The following IMMT variants were observed in gnomAD, a reference collection of about 807,000 sequenced individuals.
IMMT encodes MICOS complex subunit MIC60.
In IMMT, 40 loss-of-function variants were observed where a neutral mutation model predicts 92.7. That is an observed-to-expected ratio of 0.43 (90% CI 0.34 to 0.56). IMMT has a LOEUF of 0.56. IMMT is among the 20% of genes least tolerant of loss of function. The probability of loss-of-function intolerance (pLI) is 0.03; values close to 1 mark genes in which losing one functional copy is unlikely to be tolerated. For synonymous variants in IMMT, 322 were observed against 336.1 expected (o/e 0.96, Z 0.46); for missense variants, 831 against 912.1 (o/e 0.91, Z 1.14).
At chr2:86,178,734 C>T (rs1281280822) in intron 3 of IMMT, among the ~76,000 whole-genome samples, 1 of 152,240 alleles carries the variant, frequency 6.6e-6, no homozygotes, top group East Asian at 1.9e-4. Context: ...ATAGATTCAA[C>T]CAACCACAGA....
intron 3 of IMMT, among the ~76,000 whole-genome samples, chr2:86,174,626 T>C (rs6712035): frequency 0.011 from 1,739 of 152,324 alleles, 33 homozygotes; most frequent in African/African-American, 0.039. Flanking sequence ...TAGCCTGGAA[T>C]CTATCCTTCT....
chr2:86,155,818 AG>A (rs1675814961), intron 10 of IMMT, among the ~76,000 whole-genome samples: 1 of 152,322 alleles, frequency 6.6e-6, no homozygotes, highest in Middle Eastern at 3.4e-3. Flanking sequence ...ACATCCACGG[AG>A]GGCTAGGGTA....
chr2:86,145,361 G>A (rs1674915222), intron 14 of IMMT, among the ~76,000 whole-genome samples: 1 of 151,954 alleles, frequency 6.6e-6, no homozygotes, highest in Non-Finnish European at 1.5e-5. Flanking sequence ...CAGGCGTGGT[G>A]GCACGCACCT....
chr2:86,166,482 C>T, intron 7 of IMMT, 26 bp downstream of exon 7: 1 of 1,583,406 alleles, frequency 6.3e-7, no homozygotes. Context: ...ACAGCCAGAA[C>T]ACTTCTAATC....
intron 8 of IMMT, among the ~76,000 whole-genome samples, chr2:86,161,178 TG>T (rs199893837): frequency 0.018 from 2,753 of 152,162 alleles, 79 homozygotes; most frequent in African/African-American, 0.062. Context: ...CATTTTGAGA[TG>T]GAGTCTCGCT....
chr2:86,182,869 A>C (rs912782064), intron 1 of IMMT, among the ~76,000 whole-genome samples: 6 of 152,082 alleles, frequency 3.9e-5, no homozygotes, highest in East Asian at 1.9e-4. Context: ...CCCTTAAAAA[A>C]AAAAACAAAA....
chr2:86,192,265 T>C (rs1285043245), intron 1 of IMMT, among the ~76,000 whole-genome samples: 1 of 152,146 alleles, frequency 6.6e-6, no homozygotes, highest in Non-Finnish European at 1.5e-5. Context: ...TTGTTTCTGT[T>C]TCTCTGGAGA....
Position 86,193,078 on chromosome 2 carries a change from G to C in IMMT, c.45+2260C>G, listed in dbSNP as rs77373668. The C allele has an allele frequency of 4.0e-3, 612 of 152,998 alleles. 18 individuals carry two copies. The East Asian group carries it at 0.088, about 22-fold the overall frequency. The allele number at this position is 152,998 out of a possible 1,614,324, so 9.5% of individuals were successfully genotyped here. A position where few individuals can be genotyped will look rare whatever the true frequency, so the allele number is the denominator to read the frequency against. The stretch of plus-strand genomic sequence containing the variant: ...CTCCTAGAGTAAAGAATGGACTCTA[G>C]GAGGGAACAGTAAAAGCAGTAAGAC... On this transcript the variant is annotated intron_variant, in intron 1 of 14. Transcript: ENST00000410111.
At chr2:86,192,643 A>T (rs2105742271) in intron 1 of IMMT, among the ~76,000 whole-genome samples, 1 of 152,334 alleles carries the variant, frequency 6.6e-6, no homozygotes, top group South Asian at 2.1e-4. Context: ...ACATTATAAC[A>T]TCAGGTAGTG....
rs1310921140 is a variant in IMMT, at chr2:86,144,575, T to C, written c.1970A>G (p.Gln657Arg). 6.2e-7 allele frequency: 1 copy of C among 1,614,040 alleles called. No homozygotes were observed. Among genetic ancestry groups the C allele is most frequent in the East Asian group, 2.2e-5 (1 of 44,886 alleles). ...GGACTGTAGGTAGGAGAGGAAGTAC[T>C]GGTACAAGCTATTTCTGGTTTCATC... ...MIDETRNSLYQYFLSYLQSLL... is the reference protein window; with the variant it reads ...MIDETRNSLYRYFLSYLQSLL... The change falls in exon 15 of 15, where the codon CAG (glutamine) becomes CGG (arginine). Residue 657 changes from glutamine (Q) to arginine (R), a missense_variant. Physicochemically the swap from Gln to Arg is conservative, Grantham distance 43 (BLOSUM62 1). Coordinates refer to ENST00000410111, the MANE Select transcript of IMMT (RefSeq NM_006839.3).
intron 10 of IMMT, 23 bp downstream of exon 10, chr2:86,158,569 A>C (rs1426303733): frequency 2.6e-6 from 4 of 1,561,808 alleles, no homozygotes; most frequent in Admixed American, 1.8e-5. Context: ...TCAAAAAAAA[A>C]ACATTACTTC....
At chr2:86,178,033 C>A (rs1207893876) in intron 3 of IMMT, among the ~76,000 whole-genome samples, 1 of 151,952 alleles carries the variant, frequency 6.6e-6, no homozygotes, top group African/African-American at 2.4e-5. Flanking sequence ...AGGAAACTGG[C>A]GGCCAGGAGC....
intron 1 of IMMT, among the ~76,000 whole-genome samples, chr2:86,191,307 T>G (rs527364668): frequency 1.2e-3 from 178 of 145,576 alleles, no homozygotes; most frequent in African/African-American, 4.1e-3. Flanking sequence ...ATTGCACCAA[T>G]GCACTCCAGC....
chr2:86,160,602 A>T (rs1676198388), intron 8 of IMMT, among the ~76,000 whole-genome samples: 1 of 151,094 alleles, frequency 6.6e-6, no homozygotes, highest in Non-Finnish European at 1.5e-5. Flanking sequence ...ATATTTTCTT[A>T]AAAAAGACAG....
Position 86,151,517 on chromosome 2 carries a change from T to A in IMMT, c.1181A>T (p.Asp394Val). The A allele has an allele frequency of 6.2e-7, 1 of 1,609,882 alleles. No homozygotes were observed. Residue 394 changes from aspartate to valine, a missense_variant, in exon 12 of 15, where the codon GAC becomes GTC. Asp to Val is a radical substitution (Grantham distance 152). Coordinates refer to ENST00000410111, the MANE Select transcript of IMMT (RefSeq NM_006839.3). Reference sequence around the variant, plus strand: ...GTTCAGATCATCAGTAGAGAGCTTGTCAGCTAAGCAAAAGAGCATGTTAAA... The same window carrying A: ...GTTCAGATCATCAGTAGAGAGCTTGACAGCTAAGCAAAAGAGCATGTTAAA... ...WKGMSVSDLA[D>V]KLSTDDLNSL...
intron 7 of IMMT, among the ~76,000 whole-genome samples, chr2:86,165,900 ATT>A (rs2105072598): frequency 6.6e-6 from 1 of 152,364 alleles, no homozygotes; most frequent in East Asian, 1.9e-4. Context: ...CAACAAAAAT[ATT>A]TAAGTGCTAT....
chr2:86,190,086 G>A (rs1226897969), intron 1 of IMMT, among the ~76,000 whole-genome samples: 1 of 152,146 alleles, frequency 6.6e-6, no homozygotes, highest in Non-Finnish European at 1.5e-5. Flanking sequence ...AAGTTACGGC[G>A]TAAGATGTAT....
chr2:86,159,387 G>A (rs1676100745), intron 9 of IMMT, 149 bp downstream of exon 9: 1 of 768,132 alleles, frequency 1.3e-6, no homozygotes, highest in Non-Finnish European at 2.2e-6. Flanking sequence ...ACCCAGCCAA[G>A]GCAAATTTTT....
At chr2:86,165,203 G>A (rs1676584173) in intron 7 of IMMT, among the ~76,000 whole-genome samples, 1 of 152,144 alleles carries the variant, frequency 6.6e-6, no homozygotes, top group Non-Finnish European at 1.5e-5. Context: ...TACCCAAGTA[G>A]TAACATGGCA....
Sources: gnomAD v4.1 joint callset for allele counts (sites outside exome capture counted in the v4.1 genomes callset) on GRCh38, gnomAD v4.1.1 for gene constraint, MANE v1.5 for transcripts, NCBI Gene and HGNC (gene_info 2026-07-23, HGNC 2026-07-21) for gene names.